The following HFM1 variants were observed in gnomAD, a reference collection of about 807,000 sequenced individuals.
HFM1 encodes helicase for meiosis 1.
A neutral mutation model predicts 192.1 loss-of-function variants in HFM1; 169 were observed. The ratio of observed to expected loss-of-function variants is 0.88; its 90% CI spans 0.78 to 1.00. HFM1 has a LOEUF of 1.00. Ranked by LOEUF, HFM1 falls within the 50% of genes least tolerant of loss-of-function variation. HFM1 has a pLI of 0.00. For missense variants in HFM1, 1,661 were observed against 1,668.0 expected (o/e 1.00, Z 0.07); for synonymous variants, 525 against 537.8 (o/e 0.98, Z 0.33).
chr1:91,362,594 A>G (rs891348960), intron 13 of HFM1, among the ~76,000 whole-genome samples: 3 of 152,244 alleles, frequency 2.0e-5, no homozygotes, highest in African/African-American at 4.8e-5. Flanking sequence ...GGAAGAATCA[A>G]TATTGTGAAA....
chr1:91,379,991 A>C, intron 8 of HFM1, 113 bp downstream of exon 8: 1 of 469,460 alleles, frequency 2.1e-6, no homozygotes, highest in Non-Finnish European at 3.7e-6. Context: ...TTTACTAGAA[A>C]TATATAGAAA....
At chr1:91,387,549 T>C (rs1479431932) in intron 4 of HFM1, among the ~76,000 whole-genome samples, 2 of 151,880 alleles carry the variant, frequency 1.3e-5, no homozygotes, top group Non-Finnish European at 2.9e-5. Flanking sequence ...GTTTGACAGG[T>C]GTACAGCCCC....
intron 20 of HFM1, among the ~76,000 whole-genome samples, chr1:91,328,209 C>T (rs182139773): frequency 1.2e-3 from 190 of 152,288 alleles, no homozygotes; most frequent in Admixed American, 2.2e-3. Context: ...ACAAAATTGA[C>T]AAACCTTTAG....
At chr1:91,385,121 A>C (rs1662031497) in intron 6 of HFM1, 66 bp downstream of exon 6, 1 of 961,782 alleles carries the variant, frequency 1.0e-6, no homozygotes, top group Non-Finnish European at 1.6e-6. Context: ...AACACAATTA[A>C]ACAAATGTTT....
upstream of HFM1, chr1:91,404,861 A>G: frequency 8.8e-6 from 4 of 455,386 alleles, no homozygotes; most frequent in Admixed American, 2.4e-5. Context: ...AGGACCGCCA[A>G]GCCTGGCTAA....
chr1:91,379,074 T>C lies in HFM1; in HGVS notation c.1147A>G (p.Met383Val). 4 of 1,567,736 alleles carry C rather than the reference T, an allele frequency of 2.6e-6. No individual in the cohort carries two copies. The highest frequency in any genetic ancestry group is 3.5e-6 in the Non-Finnish European group (4 of 1,157,050). Residue 383 changes from methionine (M) to valine (V), a missense_variant, in exon 9 of 39, where the codon ATG (methionine) becomes GTG (valine). By Grantham distance (21) the Met-to-Val change is conservative. Coordinates refer to ENST00000370425, the MANE Select transcript of HFM1 (RefSeq NM_001017975.6). ...LFEIQHAHII[M>V]TTPEKWDSMT... is the part of the protein sequence containing the mutation. Reference sequence around the variant, plus strand: ...TAAATAATACCTACTGGAGTTGTCATAATAATATGGGCATGCTGAATCTCA... The same window carrying C: ...TAAATAATACCTACTGGAGTTGTCACAATAATATGGGCATGCTGAATCTCA...
chr1:91,330,400 T>C (rs1235792659), intron 20 of HFM1, among the ~76,000 whole-genome samples: 2 of 152,232 alleles, frequency 1.3e-5, no homozygotes, highest in Non-Finnish European at 2.9e-5. Flanking sequence ...TTGGAAAATC[T>C]AGAAGAAATG....
chr1:91,375,188 T>G (rs1435816643), intron 13 of HFM1, among the ~76,000 whole-genome samples, 170 bp downstream of exon 13: 1 of 152,116 alleles, frequency 6.6e-6, no homozygotes, highest in Non-Finnish European at 1.5e-5. Context: ...GGATCACCCC[T>G]GTACGAAGAT....
intron 13 of HFM1, among the ~76,000 whole-genome samples, chr1:91,359,111 G>A (rs1379619164): frequency 6.6e-6 from 1 of 152,104 alleles, no homozygotes; most frequent in Non-Finnish European, 1.5e-5. Flanking sequence ...TCAAAGGTCA[G>A]CAACATCAAA....
At chr1:91,315,530 G>A (rs1175599641) in intron 28 of HFM1, among the ~76,000 whole-genome samples, 1 of 152,164 alleles carries the variant, frequency 6.6e-6, no homozygotes, top group African/African-American at 2.4e-5. Context: ...GAGAAAAGCA[G>A]TGAAATAAGA....
At position 91,351,587 on chromosome 1, in the gene HFM1, G is replaced by T; in HGVS notation, c.2034C>A (p.Tyr678Ter). ...IMTRLSTRDK[Y>*]IQMLACRDTV... ...TGTCTCTACAAGCTAACATCTGAAT[G>T]TACTTGTCCCTTGTGCTTAATCGAG... Residue 678 changes from tyrosine to a stop codon, truncating the protein, a stop_gained, in exon 17 of 39, where the codon TAC becomes TAA. Transcript: ENST00000370425. LOFTEE classifies it high-confidence loss of function. The T allele has an allele frequency of 6.2e-7, 1 of 1,601,682 alleles. No individual in the cohort carries two copies. The highest frequency in any genetic ancestry group is 2.3e-5 in the East Asian group (1 of 44,300).
At chr1:91,287,453 G>A (rs1275593229) in intron 30 of HFM1, among the ~76,000 whole-genome samples, 1 of 152,102 alleles carries the variant, frequency 6.6e-6, no homozygotes, top group Non-Finnish European at 1.5e-5. Context: ...TGAGGGTCCT[G>A]TCTGTTAGAA....
chr1:91,379,252 C>T, intron 8 of HFM1, 38 bp from the exon 9 acceptor site: 1 of 1,532,218 alleles, frequency 6.5e-7, no homozygotes, highest in Non-Finnish European at 8.9e-7. Flanking sequence ...AACATCAGTT[C>T]AATTTTAAAA....
At chr1:91,396,501 C>A (rs1663678131) in intron 2 of HFM1, 96 bp from the exon 3 acceptor site, 1 of 621,178 alleles carries the variant, frequency 1.6e-6, no homozygotes, top group Non-Finnish European at 2.7e-6. Flanking sequence ...GACTCTTAAA[C>A]ATTCTATAAA....
At chr1:91,405,141 G>A (rs2102246904), upstream of HFM1, among the ~76,000 whole-genome samples, 1 of 152,138 alleles carries the variant, frequency 6.6e-6, no homozygotes, top group African/African-American at 2.4e-5. Flanking sequence ...TCAGCTCTGG[G>A]ACTTCCGGTC....
At chr1:91,352,463 TATC>T in intron 16 of HFM1, 40 bp downstream of exon 16, 1 of 1,479,220 alleles carries the variant, frequency 6.8e-7, no homozygotes, top group Non-Finnish European at 9.1e-7. Context: ...TTTTTGTTTT[TATC>T]ATGTTTTTAA....
chr1:91,328,433 C>G (rs1653261364), intron 20 of HFM1: 3 of 1,609,200 alleles, frequency 1.9e-6, no homozygotes, highest in Non-Finnish European at 1.7e-6. Flanking sequence ...CCCAGTGCCA[C>G]CCGGGAGAAT....
At position 91,262,280 on chromosome 1, in the gene HFM1, A is replaced by C; in HGVS notation, c.4199T>G (p.Phe1400Cys). 6.8e-7 allele frequency: 1 copy of C among 1,460,506 alleles called. No homozygotes were observed. Among genetic ancestry groups the C allele is most frequent in the Non-Finnish European group, 9.4e-7 (1 of 1,064,326 alleles). The allele number at this position is 1,460,506 out of a possible 1,614,324, so 90.5% of individuals were successfully genotyped here. A position where few individuals can be genotyped will look rare whatever the true frequency, so the allele number is the denominator to read the frequency against. Residue 1400 changes from phenylalanine to cysteine, a missense_variant, in exon 38 of 39, where the codon TTT becomes TGT. Transcript: ENST00000370425. Reference protein sequence around the residue: ...NSSNYKKVDFFIRNSECKKEV... With the variant: ...NSSNYKKVDFCIRNSECKKEV... The stretch of plus-strand genomic sequence containing the variant: ...CTTTTTACATTCACTGTTTCTAATA[A>C]AAAAATCCACTTTTTTATAATTTGA...
At chr1:91,392,252 T>C (rs1258326825) in intron 4 of HFM1, among the ~76,000 whole-genome samples, 2 of 152,288 alleles carry the variant, frequency 1.3e-5, no homozygotes, top group Middle Eastern at 3.4e-3. Context: ...ACTGGGTATA[T>C]ACCCAAAGGA....
Sources: gnomAD v4.1 joint callset for allele counts (sites outside exome capture counted in the v4.1 genomes callset) on GRCh38, gnomAD v4.1.1 for gene constraint, MANE v1.5 for transcripts, NCBI Gene and HGNC (gene_info 2026-07-23, HGNC 2026-07-21) for gene names.